The following CDH4 variants were observed in gnomAD, a reference collection of about 807,000 sequenced individuals.
CDH4 encodes the protein cadherin 4, also known as cadherin-4.
In CDH4, 33 loss-of-function variants were observed where a neutral mutation model predicts 86.0. The ratio of observed to expected loss-of-function variants is 0.38; its 90% CI spans 0.29 to 0.51. The LOEUF is 0.51. Among genes scored for constraint, CDH4 ranks in the 20% least tolerant of loss-of-function variants. The pLI, the probability that CDH4 is intolerant of heterozygous loss-of-function variation, is 0.86. For missense variants in CDH4, 1,114 were observed against 1,307.4 expected (o/e 0.85, Z 2.28); for synonymous variants, 555 against 549.4 (o/e 1.01, Z -0.14).
At chr20:61,432,880 C>T (rs1446595619) in intron 2 of CDH4, among the ~76,000 whole-genome samples, 18 of 146,048 alleles carry the variant, frequency 1.2e-4, no homozygotes, top group Admixed American at 1.2e-3. Context: ...GCTCTGTTGC[C>T]CAGGCTAGAG....
At chr20:61,489,972 T>A (rs114778863) in intron 2 of CDH4, among the ~76,000 whole-genome samples, 1,586 of 152,282 alleles carry the variant, frequency 0.01, 6 homozygotes, top group African/African-American at 0.016. Flanking sequence ...TATTTTTTTT[T>A]AAATTTTTCA....
chr20:61,666,287 G>T (rs992095724), intron 2 of CDH4, among the ~76,000 whole-genome samples: 1 of 152,230 alleles, frequency 6.6e-6, no homozygotes, highest in Non-Finnish European at 1.5e-5. Context: ...GGTGCCTGGA[G>T]CTGGGGAGTC....
intron 2 of CDH4, among the ~76,000 whole-genome samples, chr20:61,424,060 T>C (rs1005527378): frequency 4.6e-5 from 7 of 151,708 alleles, no homozygotes; most frequent in African/African-American, 1.7e-4. Context: ...CATATATACA[T>C]ACACATCCAC....
At chr20:61,532,423 C>T (rs964773909) in intron 2 of CDH4, among the ~76,000 whole-genome samples, 9 of 152,184 alleles carry the variant, frequency 5.9e-5, no homozygotes, top group Non-Finnish European at 1.2e-4. Context: ...TGAACCTCTT[C>T]GGTTTCAGAA....
At chr20:61,260,778 G>A (rs915794442) in intron 2 of CDH4, among the ~76,000 whole-genome samples, 3 of 152,194 alleles carry the variant, frequency 2.0e-5, no homozygotes, top group Non-Finnish European at 2.9e-5. Context: ...TCAAGGGGCC[G>A]TTATTGTTTG....
At chr20:61,421,499 G>A (rs750550421) in intron 2 of CDH4, among the ~76,000 whole-genome samples, 49 of 152,202 alleles carry the variant, frequency 3.2e-4, no homozygotes, top group Admixed American at 2.6e-4. Flanking sequence ...CAAAGCCAGG[G>A]TGGAGGTTGC....
At chr20:61,804,966 C>T (rs1980045413) in intron 4 of CDH4, among the ~76,000 whole-genome samples, 1 of 152,230 alleles carries the variant, frequency 6.6e-6, no homozygotes, top group African/African-American at 2.4e-5. Flanking sequence ...AGGCGCTTTC[C>T]CCTCATCCCG....
intron 2 of CDH4, chr20:61,434,506 G>GCTGTAATCCGGCTGTC (rs2085269648): frequency 1.3e-5 from 2 of 152,120 alleles, no homozygotes; most frequent in South Asian, 4.2e-4. Flanking sequence ...TAGAGGCGGT[G>GCTGTAATCCGGCTGTC]CTGTAATCCG....
chr20:61,884,007 C>T (rs1015145643), intron 7 of CDH4, among the ~76,000 whole-genome samples: 1 of 152,108 alleles, frequency 6.6e-6, no homozygotes, highest in African/African-American at 2.4e-5. Flanking sequence ...CTCCCCTGCC[C>T]CCAACAGCAG....
At chr20:61,777,698 A>G (rs1396172015) in intron 4 of CDH4, among the ~76,000 whole-genome samples, 1 of 147,996 alleles carries the variant, frequency 6.8e-6, no homozygotes, top group East Asian at 2.0e-4. Context: ...ACACGTGCAT[A>G]CAAAAACACA....
chr20:61,533,922 A>G (rs2085974758), intron 2 of CDH4, among the ~76,000 whole-genome samples: 1 of 152,208 alleles, frequency 6.6e-6, no homozygotes, highest in Non-Finnish European at 1.5e-5. Context: ...CAGCCTCCCC[A>G]TCCGAACTGT....
chr20:61,757,488 G>A (rs1451148548), intron 3 of CDH4, among the ~76,000 whole-genome samples: 2 of 152,228 alleles, frequency 1.3e-5, no homozygotes, highest in Non-Finnish European at 2.9e-5. Context: ...ATAGAGGGGT[G>A]CCCAGGGCCC....
Position 61,637,292 on chromosome 20 carries a change from C to T in CDH4, c.170-106271C>T, listed in dbSNP as rs767774313. Among the ~76,000 whole-genome samples the T allele has an allele frequency of 2.6e-5, 4 of 152,176 alleles. No individual in the cohort carries two copies. In the East Asian group the frequency reaches 5.8e-4, roughly 22 times the overall value. Reference sequence around the variant, plus strand: ...TATCACACGGGTGTATCTGTTTAACCGTTCTTAGGCTGCATAGCCGCTCCC... The same window carrying T: ...TATCACACGGGTGTATCTGTTTAACTGTTCTTAGGCTGCATAGCCGCTCCC... On this transcript the variant is annotated intron_variant, in intron 2 of 15. Coordinates refer to ENST00000614565, the MANE Select transcript of CDH4 (RefSeq NM_001794.5).
intron 2 of CDH4, among the ~76,000 whole-genome samples, chr20:61,328,433 C>T (rs913251532): frequency 6.6e-6 from 1 of 152,216 alleles, no homozygotes; most frequent in African/African-American, 2.4e-5. Flanking sequence ...CCTTGACCTC[C>T]CAAAGTGCTG....
intron 2 of CDH4, among the ~76,000 whole-genome samples, chr20:61,549,771 T>C (rs2086114133): frequency 6.6e-6 from 1 of 152,142 alleles, no homozygotes; most frequent in Non-Finnish European, 1.5e-5. Context: ...GTTCTCAGAG[T>C]CCAGATACAT....
intron 2 of CDH4, among the ~76,000 whole-genome samples, chr20:61,736,611 A>G (rs566328697): frequency 2.0e-5 from 3 of 150,364 alleles, no homozygotes; most frequent in Non-Finnish European, 3.0e-5. Context: ...GGGAGGGAGG[A>G]AGGAAGGAGA....
At chr20:61,569,896 A>G (rs1397473961) in intron 2 of CDH4, among the ~76,000 whole-genome samples, 1 of 152,056 alleles carries the variant, frequency 6.6e-6, no homozygotes, top group African/African-American at 2.4e-5. Context: ...TGACACTTTT[A>G]TTATTTTCAT....
intron 2 of CDH4, among the ~76,000 whole-genome samples, chr20:61,294,512 T>C (rs780342773): frequency 1.4e-4 from 22 of 152,348 alleles, no homozygotes; most frequent in Middle Eastern, 6.8e-3. Flanking sequence ...GCCCCTTTAA[T>C]GGACGGCTGA....
At chr20:61,929,089 CTT>C (rs891600848) in intron 12 of CDH4, among the ~76,000 whole-genome samples, 1 of 150,640 alleles carries the variant, frequency 6.6e-6, no homozygotes, top group African/African-American at 2.4e-5. Flanking sequence ...TGGTAAAACT[CTT>C]TATATATTCA....
Sources: gnomAD v4.1 joint callset for allele counts (sites outside exome capture counted in the v4.1 genomes callset) on GRCh38, gnomAD v4.1.1 for gene constraint, MANE v1.5 for transcripts, NCBI Gene and HGNC (gene_info 2026-07-23, HGNC 2026-07-21) for gene names.